LLGL2: variants seen among roughly 807,000 people sequenced by gnomAD.
LLGL2 encodes LLGL2, scribble cell polarity complex component.
LLGL2 carries 81 observed loss-of-function variants against 123.2 expected under a neutral mutation model. The observed-to-expected ratio is 0.66, with a 90% confidence interval of 0.55 to 0.79. The LOEUF is 0.79. Ranked by LOEUF, LLGL2 falls within the 30% of genes least tolerant of loss-of-function variation. The pLI is 0.00. For synonymous variants in LLGL2, 577 were observed against 594.1 expected, an observed-to-expected ratio of 0.97 and a Z score of 0.42; for missense variants, 1,273 against 1,414.6, an observed-to-expected ratio of 0.90 and a Z score of 1.61.
chr17:75,574,905 G>A lies in LLGL2; in HGVS notation c.*27G>A, dbSNP rs2055905042. 1 of 1,613,882 alleles carries A rather than the reference G, an allele frequency of 6.2e-7. No homozygotes were observed. The highest frequency in any genetic ancestry group is 1.3e-5 in the African/African-American group (1 of 74,944). The stretch of plus-strand genomic sequence containing the variant: ...TGGCTGAGCGTCCAGGCTGCGCGAT[G>A]AGCACACACTACTACTGATGGCCTT... On this transcript the variant is annotated 3_prime_UTR_variant, in exon 26 of 26. Coordinates refer to ENST00000392550, the MANE Select transcript of LLGL2 (RefSeq NM_001031803.2).
At chr17:75,574,016 C>T in intron 22 of LLGL2, 36 bp downstream of exon 22, 1 of 1,550,530 alleles carries the variant, frequency 6.4e-7, no homozygotes, top group Non-Finnish European at 8.7e-7. Context: ...CACACCTGGG[C>T]CACACCCGGC....
chr17:75,551,408 C>T (rs1033845078), intron 2 of LLGL2, among the ~76,000 whole-genome samples: 6 of 140,746 alleles, frequency 4.3e-5, no homozygotes, highest in African/African-American at 1.6e-4. Context: ...ATGCCTTGTA[C>T]GTGGCAGGAA....
intron 2 of LLGL2, among the ~76,000 whole-genome samples, chr17:75,553,400 C>T (rs1018510452): frequency 9.2e-5 from 14 of 152,242 alleles, no homozygotes; most frequent in African/African-American, 2.7e-4. Flanking sequence ...TGCCTGACCC[C>T]AGCATGGGAT....
At chr17:75,565,496 T>A (rs552473517) in intron 10 of LLGL2, among the ~76,000 whole-genome samples, 182 of 152,322 alleles carry the variant, frequency 1.2e-3, no homozygotes, top group Admixed American at 3.2e-3. Flanking sequence ...CCCTGGATGC[T>A]GAGAGCAGGG....
rs7502597 is a variant in LLGL2, at chr17:75,549,920, C to T, written c.76-6126C>T. On this transcript the variant is annotated intron_variant, in intron 2 of 25. Transcript: ENST00000392550. This position sits in a 1 kb window ranked among gnomAD's most constrained non-coding sequence, Gnocchi z 4.0. ...GGCCTTCTCCCCTACTCCAGGCTAA[C>T]GTTGCAGTCTGGCGGCTTCTGCAAA... Among the ~76,000 whole-genome samples, 48,762 of 152,182 alleles carry T rather than the reference C, an allele frequency of 0.32. 8,786 individuals carry two copies. The highest frequency in any genetic ancestry group is 0.57 in the South Asian group (2,772 of 4,834).
Position 75,556,038 on chromosome 17 carries a change from C to T in LLGL2, c.76-8C>T, listed in dbSNP as rs766814727. 1.0e-5 allele frequency: 16 copies of T among 1,606,922 alleles called. No homozygotes were observed. The highest frequency in any genetic ancestry group is 3.3e-5 in the Admixed American group (2 of 59,998). On this transcript the variant is annotated splice_region_variant and splice_polypyrimidine_tract_variant and intron_variant, in intron 2 of 25. Coordinates refer to ENST00000392550, the MANE Select transcript of LLGL2 (RefSeq NM_001031803.2). Reference sequence around the variant, plus strand: ...CTGCAGGCCCACCCCACGTGCTTCTCGTTGCAGACGGTGGAGCATGGCTTC... The same window carrying T: ...CTGCAGGCCCACCCCACGTGCTTCTTGTTGCAGACGGTGGAGCATGGCTTC...
chr17:75,556,290 C>T (rs2054910832), intron 3 of LLGL2, 147 bp downstream of exon 3: 1 of 678,394 alleles, frequency 1.5e-6, no homozygotes, highest in Non-Finnish European at 2.5e-6. Flanking sequence ...GATTTTATTC[C>T]AAAATGGGGC....
intron 1 of LLGL2, among the ~76,000 whole-genome samples, chr17:75,540,119 G>A (rs1478870861): frequency 6.6e-6 from 1 of 152,180 alleles, no homozygotes; most frequent in Non-Finnish European, 1.5e-5. Context: ...CTGTGATGGT[G>A]AGCCCTGGCC....
In LLGL2 at chr17:75,558,685, G is replaced by A. The variant is rs909763492; in HGVS notation, c.371+58G>A. 2.2e-5 allele frequency: 30 copies of A among 1,364,262 alleles called. No individual in the cohort carries two copies. In the Admixed American group the frequency reaches 4.3e-4, roughly 20 times the overall value. The allele number at this position is 1,364,262 out of a possible 1,614,324, so 84.5% of individuals were successfully genotyped here. Reference sequence around the variant, plus strand: ...CAGCCCAGCCTGACCCTTGCCCTTAGCTCTGGAGTGGACTCACCCTTTGTG... The same window carrying A: ...CAGCCCAGCCTGACCCTTGCCCTTAACTCTGGAGTGGACTCACCCTTTGTG... On this transcript the variant is annotated intron_variant, in intron 5 of 25. Coordinates refer to ENST00000392550, the MANE Select transcript of LLGL2 (RefSeq NM_001031803.2). This position sits in a 1 kb window ranked among gnomAD's most constrained non-coding sequence, Gnocchi z 4.0.
intron 1 of LLGL2, among the ~76,000 whole-genome samples, chr17:75,538,330 A>T (rs1184064921): frequency 2.0e-5 from 3 of 152,106 alleles, no homozygotes; most frequent in African/African-American, 7.2e-5. Flanking sequence ...CATCTCTCTC[A>T]TGTCATCTGC....
intron 1 of LLGL2, among the ~76,000 whole-genome samples, chr17:75,539,747 A>G (rs1375745342): frequency 1.3e-5 from 2 of 151,628 alleles, no homozygotes; most frequent in African/African-American, 2.4e-5. Context: ...AGCTGAAACT[A>G]CAGGAGCACA....
intron 1 of LLGL2, among the ~76,000 whole-genome samples, chr17:75,530,819 A>T (rs1363906745): frequency 6.6e-6 from 1 of 152,054 alleles, no homozygotes; most frequent in East Asian, 1.9e-4. Flanking sequence ...TCAAAAAGAG[A>T]AAAAAAGTCT....
intron 2 of LLGL2, among the ~76,000 whole-genome samples, chr17:75,550,801 AAAACAC>A (rs1479134474): frequency 2.3e-5 from 3 of 130,938 alleles, no homozygotes; most frequent in Non-Finnish European, 3.2e-5. Context: ...AAAAAAAAAA[AAAACAC>A]ACACACACAA....
intron 10 of LLGL2, among the ~76,000 whole-genome samples, chr17:75,567,554 G>A (rs1160267377): frequency 6.6e-6 from 1 of 150,616 alleles, no homozygotes; most frequent in Non-Finnish European, 1.5e-5. Context: ...CAGGAGAATC[G>A]CTTGAACCCG....
chr17:75,526,317 C>G (rs571989235), intron 1 of LLGL2, among the ~76,000 whole-genome samples: 2 of 152,182 alleles, frequency 1.3e-5, no homozygotes, highest in Non-Finnish European at 2.9e-5. Context: ...CTCCTAATCC[C>G]CGGACGCAGG....
intron 2 of LLGL2, among the ~76,000 whole-genome samples, chr17:75,547,518 T>C (rs1379327278): frequency 1.3e-5 from 2 of 152,214 alleles, no homozygotes; most frequent in Non-Finnish European, 2.9e-5. Flanking sequence ...GTTCTTTGGC[T>C]GGGCTATGAA....
chr17:75,553,257 C>T (rs1259417650), intron 2 of LLGL2, among the ~76,000 whole-genome samples: 1 of 152,218 alleles, frequency 6.6e-6, no homozygotes, highest in African/African-American at 2.4e-5. Context: ...CCTGGCTATC[C>T]CATTTAGGTA....
chr17:75,568,374 T>G (rs950807226), intron 10 of LLGL2, 102 bp from the exon 11 acceptor site: 33 of 1,477,954 alleles, frequency 2.2e-5, no homozygotes, highest in Middle Eastern at 4.9e-4. Flanking sequence ...CAGGGCTTTC[T>G]GGATCTGCAG....
chr17:75,561,317 C>T (rs1416653094), intron 6 of LLGL2, among the ~76,000 whole-genome samples: 2 of 152,176 alleles, frequency 1.3e-5, no homozygotes, highest in African/African-American at 2.4e-5. Context: ...TAACAATTTT[C>T]ATCTGTGTAA....
Sources: allele counts gnomAD v4.1 joint callset (sites outside exome capture counted in the v4.1 genomes callset), GRCh38; gene constraint gnomAD v4.1.1; non-coding constraint Gnocchi (gnomAD v3.1); transcripts MANE v1.5; gene names NCBI Gene and HGNC (gene_info 2026-07-23, HGNC 2026-07-21).